The following STAM variants were observed in gnomAD, a reference collection of about 807,000 sequenced individuals.
The protein encoded by STAM is signal transducing adaptor molecule, also known as signal transducing adapter molecule 1.
In STAM, 16 loss-of-function variants were observed where a neutral mutation model predicts 63.4. The ratio of observed to expected loss-of-function variants is 0.25; its 90% CI spans 0.17 to 0.38. The LOEUF (loss-of-function observed/expected upper bound fraction) is 0.38. STAM is among the 10% of genes least tolerant of loss of function. The pLI, the probability that STAM is intolerant of heterozygous loss-of-function variation, is 1.00. For missense variants in STAM, 636 were observed against 657.1 expected, an observed-to-expected ratio of 0.97 and a Z score of 0.35; for synonymous variants, 238 against 223.9, an observed-to-expected ratio of 1.06 and a Z score of -0.56.
chr10:17,674,336 A>C (rs568316642), intron 2 of STAM, among the ~76,000 whole-genome samples: 1 of 152,254 alleles, frequency 6.6e-6, no homozygotes, highest in South Asian at 2.1e-4. Context: ...TTATATCTCA[A>C]AGTTATGTGG....
intron 12 of STAM, among the ~76,000 whole-genome samples, chr10:17,706,984 T>C (rs1353105081): frequency 6.6e-6 from 1 of 152,206 alleles, no homozygotes; most frequent in East Asian, 1.9e-4. Flanking sequence ...TAATCTGGAA[T>C]TTTCCCTGCT....
At position 17,714,757 on chromosome 10, in the gene STAM, T is replaced by C. The variant is rs782416461; in HGVS notation, c.1600T>C (p.Tyr534His). 4.3e-6 allele frequency: 7 copies of C among 1,614,032 alleles called. No homozygotes were observed. In the East Asian group the frequency reaches 1.6e-4, roughly 36 times the overall value. ...SQQPPQPQQP[Y>H]SQKALL ...ACAGCCACCTCAGCCACAGCAACCA[T>C]ATTCTCAGAAGGCTCTGCTATAGGA... The change falls in exon 14 of 14, where the codon TAT (tyrosine) becomes CAT (histidine). Residue 534 changes from tyrosine (Y) to histidine (H), a missense_variant. By Grantham distance (83) the Tyr-to-His change is moderately conservative. Coordinates refer to ENST00000377524, the MANE Select transcript of STAM (RefSeq NM_003473.4).
At chr10:17,692,866 C>T (rs1835600248) in intron 5 of STAM, among the ~76,000 whole-genome samples, 1 of 151,740 alleles carries the variant, frequency 6.6e-6, no homozygotes, top group Non-Finnish European at 1.5e-5. Context: ...TTAAAGTAGT[C>T]ATCTCTTTCT....
rs905634194 is a variant in STAM at position 17,658,603 on chromosome 10, C to T, written c.41-1861C>T. ...TTGGTTCACTGCAACCTCCACCTCC[C>T]GGGTTTGAGTGATCCTCCTATCTCA... On this transcript the variant is annotated intron_variant, in intron 1 of 13. Coordinates refer to ENST00000377524, the MANE Select transcript of STAM (RefSeq NM_003473.4). Among the ~76,000 whole-genome samples, 22 of 152,156 alleles carry T rather than the reference C, an allele frequency of 1.4e-4. No individual in the cohort carries two copies. In the East Asian group the frequency reaches 2.3e-3, roughly 16 times the overall value.
intron 13 of STAM, among the ~76,000 whole-genome samples, chr10:17,710,417 C>G (rs782374889): frequency 3.3e-5 from 5 of 152,118 alleles, no homozygotes; most frequent in Non-Finnish European, 7.4e-5. Flanking sequence ...TAGAGTGTAG[C>G]TATTAATGTC....
chr10:17,696,937 C>T, intron 8 of STAM, 68 bp downstream of exon 8: 1 of 1,376,662 alleles, frequency 7.3e-7, no homozygotes, highest in Non-Finnish European at 1.0e-6. Context: ...GTTGAGTAAA[C>T]TGAACTTTTT....
At chr10:17,651,064 CAAAAAA>C (rs10606057) in intron 1 of STAM, among the ~76,000 whole-genome samples, 5 of 55,768 alleles carry the variant, frequency 9.0e-5, no homozygotes, top group Admixed American at 2.5e-4. Flanking sequence ...GAGTCCGTCT[CAAAAAA>C]AAAAAAAAAA....
At chr10:17,662,229 A>T (rs1426544677) in intron 2 of STAM, among the ~76,000 whole-genome samples, 6 of 151,972 alleles carry the variant, frequency 3.9e-5, no homozygotes, top group African/African-American at 7.3e-5. Flanking sequence ...TCCCTCCTGT[A>T]TAACATTCAT....
chr10:17,663,214 G>C (rs533416524), intron 2 of STAM, among the ~76,000 whole-genome samples: 55 of 152,108 alleles, frequency 3.6e-4, no homozygotes, highest in African/African-American at 1.3e-3. Context: ...TATTCTCCCA[G>C]AAATGTTTAT....
chr10:17,708,919 T>C lies in STAM; in HGVS notation c.1353T>C (p.Leu451=). ...TCCCACCATCCGCAAACCCAGCCCT[T>C]CCTAGTCAGCAGACTCAGGCCGCTT... is the stretch of plus-strand genomic sequence containing the variant. ...AVVPPSANPA[L]PSQQTQAAYP... is the part of the protein sequence containing the mutation. Residue 451 remains leucine, a synonymous_variant, in exon 13 of 14, where the codon CTT becomes CTC. Transcript: ENST00000377524. 2 of 1,614,118 alleles carry C rather than the reference T, an allele frequency of 1.2e-6. No individual in the cohort carries two copies. Among genetic ancestry groups the C allele is most frequent in the South Asian group, 1.1e-5 (1 of 91,070 alleles).
intron 1 of STAM, among the ~76,000 whole-genome samples, chr10:17,654,123 G>A (rs782338876): frequency 6.6e-6 from 1 of 152,164 alleles, no homozygotes; most frequent in African/African-American, 2.4e-5. Flanking sequence ...AGCATCAGAA[G>A]TATGCTAGCC....
intron 8 of STAM, 127 bp from the exon 9 acceptor site, chr10:17,700,064 T>TA: frequency 1.6e-6 from 1 of 613,436 alleles, no homozygotes. Context: ...AGTTATTTCT[T>TA]AAATTGCGCC....
intron 2 of STAM, among the ~76,000 whole-genome samples, chr10:17,667,915 GA>G (rs141996629): frequency 0.017 from 2,576 of 152,330 alleles, 75 homozygotes; most frequent in African/African-American, 0.059. Flanking sequence ...CAGTTGCCCT[GA>G]ATGAGCGCAG....
intron 1 of STAM, among the ~76,000 whole-genome samples, chr10:17,657,791 G>A (rs1271141907): frequency 3.3e-5 from 5 of 150,866 alleles, no homozygotes; most frequent in African/African-American, 9.7e-5. Flanking sequence ...ATGTCCATGG[G>A]GTTTGTAGTG....
intron 4 of STAM, 143 bp downstream of exon 4, chr10:17,685,070 T>A: frequency 1.6e-6 from 1 of 638,668 alleles, no homozygotes; most frequent in Middle Eastern, 4.5e-4. Context: ...AAATAAATAT[T>A]ATGTTTTGTT....
chr10:17,654,282 GCA>G (rs1833853341), intron 1 of STAM, among the ~76,000 whole-genome samples: 1 of 152,026 alleles, frequency 6.6e-6, no homozygotes, highest in Non-Finnish European at 1.5e-5. Context: ...GAGTGCAGTG[GCA>G]TGATCTCAGC....
chr10:17,655,198 G>C (rs1833889927), intron 1 of STAM, among the ~76,000 whole-genome samples: 1 of 152,050 alleles, frequency 6.6e-6, no homozygotes, highest in Non-Finnish European at 1.5e-5. Context: ...TCCTTTCTTA[G>C]ATTGTAAGCT....
chr10:17,712,938 C>A (rs1300425772), intron 13 of STAM, among the ~76,000 whole-genome samples: 2 of 152,000 alleles, frequency 1.3e-5, no homozygotes, highest in Non-Finnish European at 2.9e-5. Context: ...GGTGTTGGAG[C>A]GTGTGCTTCC....
intron 2 of STAM, chr10:17,673,122 C>A: frequency 1.3e-6 from 1 of 746,234 alleles, no homozygotes; most frequent in Non-Finnish European, 1.6e-6. Context: ...AGTGCACGTG[C>A]AGATTTTCTC....
Sources: gnomAD v4.1 joint callset for allele counts (sites outside exome capture counted in the v4.1 genomes callset) on GRCh38, gnomAD v4.1.1 for gene constraint, MANE v1.5 for transcripts, NCBI Gene and HGNC (gene_info 2026-07-23, HGNC 2026-07-21) for gene names.